Variants in CFAP47 observed in about 807,000 individuals in gnomAD.
CFAP47 encodes cilia- and flagella-associated protein 47.
CFAP47 carries 29 observed loss-of-function variants against 148.1 expected under a neutral mutation model. The ratio of observed to expected loss-of-function variants is 0.20; its 90% CI spans 0.15 to 0.27. CFAP47 has a LOEUF of 0.27. CFAP47 is among the 10% of genes least tolerant of loss of function. The pLI is 1.00. For synonymous variants in CFAP47, 664 were observed against 577.3 expected, an observed-to-expected ratio of 1.15 and a Z score of -2.15; for missense variants, 1,872 against 1,697.5, an observed-to-expected ratio of 1.10 and a Z score of -1.81.
At chrX:36,328,924 G>A (rs1239107423) in intron 57 of CFAP47, among the ~76,000 whole-genome samples, 2 of 110,541 alleles carry the variant, frequency 1.8e-5, no homozygotes, top group African/African-American at 6.5e-5. Flanking sequence ...ATAGACATAT[G>A]AATCAAATGA....
intron 17 of CFAP47, 133 bp from the exon 18 acceptor site, chrX:35,993,057 T>C: frequency 3.9e-6 from 1 of 256,416 alleles, no homozygotes; most frequent in Non-Finnish European, 6.9e-6. Context: ...TTTCAAACAC[T>C]ATTACAAAAT....
intron 36 of CFAP47, among the ~76,000 whole-genome samples, chrX:36,145,875 G>T (rs1340414290): frequency 1.0e-5 from 1 of 97,557 alleles, no homozygotes. Flanking sequence ...GTTAAAAATT[G>T]AAGAAAAAAA....
intron 55 of CFAP47, among the ~76,000 whole-genome samples, chrX:36,308,141 T>C (rs1941365806): frequency 9.0e-6 from 1 of 111,638 alleles, no homozygotes. Context: ...ATCAGTTCTG[T>C]ATCTTAATAG....
chrX:36,080,493 C>T (rs773733061), intron 29 of CFAP47, among the ~76,000 whole-genome samples: 1 of 111,585 alleles, frequency 9.0e-6, no homozygotes, highest in South Asian at 3.8e-4. Context: ...ATGTGTATTC[C>T]AGCACTATTC....
intron 40 of CFAP47, among the ~76,000 whole-genome samples, chrX:36,187,687 G>T (rs181922359): frequency 3.0e-3 from 331 of 111,070 alleles, no homozygotes; most frequent in African/African-American, 0.01. Flanking sequence ...TTTTAAAAAA[G>T]ATATAATTTA....
intron 62 of CFAP47, among the ~76,000 whole-genome samples, chrX:36,372,687 T>C (rs1941983587): frequency 8.9e-6 from 1 of 112,015 alleles, no homozygotes; most frequent in Admixed American, 9.5e-5. Context: ...ACAGTAAACC[T>C]ACAGTATTAA....
At chrX:36,315,754 A>ATG (rs782071079) in intron 56 of CFAP47, among the ~76,000 whole-genome samples, 3 of 111,388 alleles carry the variant, frequency 2.7e-5, no homozygotes, top group Non-Finnish European at 5.7e-5. Flanking sequence ...TACCTTTGAG[A>ATG]TGTGTGTTCT....
At chrX:36,285,775 A>T in intron 51 of CFAP47, 49 bp downstream of exon 51, 1 of 977,895 alleles carries the variant, frequency 1.0e-6, no homozygotes, top group Non-Finnish European at 1.4e-6. Flanking sequence ...GTGAGCACTC[A>T]GACCTTTTGT....
Position 36,303,921 on chromosome X carries a change from T to A in CFAP47, c.8043T>A (p.Asn2681Lys), listed in dbSNP as rs1941323885. The A allele has an allele frequency of 1.8e-6, 2 of 1,136,720 alleles. No individual in the cohort carries two copies. The highest frequency in any genetic ancestry group is 2.3e-6 in the Non-Finnish European group (2 of 851,406). The allele number at this position is 1,136,720 out of a possible 1,213,427, so 93.7% of individuals were successfully genotyped here. Residue 2681 changes from asparagine (N) to lysine (K), a missense_variant, in exon 54 of 64, where the codon AAT (asparagine) becomes AAA (lysine). Coordinates refer to ENST00000378653, the MANE Select transcript of CFAP47 (RefSeq NM_001304548.2). ...TAAAATTGCAAGTAACAAACAGTAA[T>A]CCTGAAAATTTTGTCCTGGATATTA... is the stretch of plus-strand genomic sequence containing the variant. Reference protein sequence around the residue: ...ETLKLQVTNSNPENFVLDINR... With the variant: ...ETLKLQVTNSKPENFVLDINR...
chrX:36,074,569 G>T (rs1937812510), intron 29 of CFAP47, among the ~76,000 whole-genome samples: 1 of 111,027 alleles, frequency 9.0e-6, no homozygotes, highest in African/African-American at 3.3e-5. Flanking sequence ...CATATTTTGG[G>T]ATCTAGTTAA....
At position 35,945,622 on chromosome X, in the gene CFAP47, A is replaced by C. The variant is rs781169016; in HGVS notation, c.518-2692A>C. Among the ~76,000 whole-genome samples, 3 of 111,483 alleles carry C rather than the reference A, an allele frequency of 2.7e-5. No homozygotes were observed. The Admixed American group carries it at 2.9e-4, about 11-fold the overall frequency. On this transcript the variant is annotated intron_variant, in intron 3 of 63. Transcript: ENST00000378653. ...TCACTTCCTACCCCCTTAGTCAATT[A>C]GTAAATCTTATCTGTTCACTTCATA...
chrX:35,971,102 C>T (rs1047094484), intron 11 of CFAP47, among the ~76,000 whole-genome samples, 179 bp downstream of exon 11: 1 of 111,850 alleles, frequency 8.9e-6, no homozygotes, highest in African/African-American at 3.2e-5. Context: ...CCTTTTAACT[C>T]GGAATTGTCT....
chrX:36,300,056 T>G (rs1351430922), intron 52 of CFAP47, among the ~76,000 whole-genome samples: 1 of 111,638 alleles, frequency 9.0e-6, no homozygotes, highest in Non-Finnish European at 1.9e-5. Context: ...TGAATTTTCT[T>G]TATCAGCATA....
chrX:36,201,887 T>C (rs1248261825), intron 44 of CFAP47, among the ~76,000 whole-genome samples: 1 of 111,127 alleles, frequency 9.0e-6, no homozygotes, highest in African/African-American at 3.3e-5. Flanking sequence ...CCAGGATATT[T>C]TGCTGTGTAG....
At chrX:36,091,867 C>T (rs1938191406) in intron 30 of CFAP47, among the ~76,000 whole-genome samples, 1 of 111,374 alleles carries the variant, frequency 9.0e-6, no homozygotes, top group Non-Finnish European at 1.9e-5. Context: ...CACAAGACTG[C>T]AAATTCTGAG....
chrX:36,314,797 C>G lies in CFAP47; in HGVS notation c.8344+3808C>G, dbSNP rs1194673306. On this transcript the variant is annotated intron_variant, in intron 56 of 63. Coordinates refer to ENST00000378653, the MANE Select transcript of CFAP47 (RefSeq NM_001304548.2). ...TAGGATATTGAAAAAGTCTTAAATA[C>G]TATCATAAGGAATCCAACTTTTATC... Among the ~76,000 whole-genome samples the G allele has an allele frequency of 4.5e-5, 5 of 111,806 alleles. No individual in the cohort carries two copies. In the East Asian group the frequency reaches 1.1e-3, roughly 25 times the overall value.
intron 62 of CFAP47, chrX:36,374,908 A>T (rs782702370): frequency 1.4e-6 from 1 of 693,932 alleles, no homozygotes; most frequent in South Asian, 2.2e-5. Flanking sequence ...CAATGGAATC[A>T]GATTATTCTG....
At chrX:35,924,935 G>C (rs1935713165) in intron 1 of CFAP47, among the ~76,000 whole-genome samples, 2 of 111,701 alleles carry the variant, frequency 1.8e-5, no homozygotes, top group Non-Finnish European at 3.8e-5. Flanking sequence ...TAGAAGTAGA[G>C]AGTAGAATGG....
At chrX:35,939,822 G>A (rs1453939924) in intron 2 of CFAP47, among the ~76,000 whole-genome samples, 57 of 97,914 alleles carry the variant, frequency 5.8e-4, no homozygotes, top group African/African-American at 1.9e-3. Flanking sequence ...TAATGGGATG[G>A]CTGGGTCAAA....
Sources: allele counts gnomAD v4.1 joint callset (sites outside exome capture counted in the v4.1 genomes callset), GRCh38; gene constraint gnomAD v4.1.1; transcripts MANE v1.5; gene names NCBI Gene and HGNC (gene_info 2026-07-23, HGNC 2026-07-21).